The following PRDM6 variants were observed in gnomAD, a reference collection of about 807,000 sequenced individuals.
PRDM6 encodes PR/SET domain 6, also known as putative histone-lysine N-methyltransferase PRDM6.
In PRDM6, 25 loss-of-function variants were observed where a neutral mutation model predicts 60.8. That is an observed-to-expected ratio of 0.41 (90% CI 0.30 to 0.57). The LOEUF (loss-of-function observed/expected upper bound fraction) is 0.57. PRDM6 is among the 20% of genes least tolerant of loss of function. PRDM6 has a pLI of 0.27. For synonymous variants in PRDM6, 407 were observed against 357.4 expected (o/e 1.14, Z -1.57); for missense variants, 839 against 821.3 (o/e 1.02, Z -0.26).
At chr5:123,096,416 TC>T (rs1763960727) in intron 2 of PRDM6, among the ~76,000 whole-genome samples, 1 of 152,298 alleles carries the variant, frequency 6.6e-6, no homozygotes, top group East Asian at 1.9e-4. Flanking sequence ...TATTTGTCAA[TC>T]CCAAGAAATG....
At chr5:123,172,236 A>G (rs1343859260) in intron 6 of PRDM6, among the ~76,000 whole-genome samples, 1 of 152,138 alleles carries the variant, frequency 6.6e-6, no homozygotes, top group Non-Finnish European at 1.5e-5. Context: ...GAGGGAGTGG[A>G]TATTTTGTAA....
chr5:123,100,094 C>A, intron 3 of PRDM6, 133 bp downstream of exon 3: 1 of 966,596 alleles, frequency 1.0e-6, no homozygotes, highest in Non-Finnish European at 1.5e-6. Context: ...CAGAGGGTAG[C>A]GGAGAATAGA....
intron 3 of PRDM6, among the ~76,000 whole-genome samples, chr5:123,110,933 C>T (rs772867994): frequency 6.6e-6 from 1 of 152,042 alleles, no homozygotes; most frequent in Non-Finnish European, 1.5e-5. Flanking sequence ...CCAGGTTAGT[C>T]CCTGAGCCTC....
At chr5:123,149,748 G>T (rs1045604245) in intron 3 of PRDM6, among the ~76,000 whole-genome samples, 10 of 152,138 alleles carry the variant, frequency 6.6e-5, no homozygotes, top group African/African-American at 2.4e-4. Flanking sequence ...AGATTCATCT[G>T]GGAGATAAAA....
chr5:123,096,149 ACAATTATGAAC>A (rs1763954211), intron 2 of PRDM6, among the ~76,000 whole-genome samples: 8 of 151,744 alleles, frequency 5.3e-5, no homozygotes, highest in South Asian at 2.1e-4. Flanking sequence ...TTTATGAATA[ACAATTATGAAC>A]TTGTACAAAA....
intron 2 of PRDM6, among the ~76,000 whole-genome samples, chr5:123,097,800 C>A (rs752801250): frequency 1.3e-5 from 2 of 152,140 alleles, no homozygotes; most frequent in Non-Finnish European, 2.9e-5. Flanking sequence ...CAGAAGAGGG[C>A]CTTTGTGCAA....
In PRDM6 at chr5:123,120,153, TAGAA is replaced by T. The variant is rs1764548190; in HGVS notation, c.900+20195_900+20198del. ...TTCCAAAAAGATTTAAAGTGGGTCTTAGAAAGCCGAAGTTTAGAGATGGATAAAT... is the reference window on the plus strand; with the variant it reads ...TTCCAAAAAGATTTAAAGTGGGTCTTAGCCGAAGTTTAGAGATGGATAAAT... On this transcript the variant is annotated intron_variant, in intron 3 of 7. Coordinates refer to ENST00000407847, the MANE Select transcript of PRDM6 (RefSeq NM_001136239.4). Among the ~76,000 whole-genome samples, 3 of 152,364 alleles carry T rather than the reference TAGAA, an allele frequency of 2.0e-5. No individual in the cohort carries two copies. The South Asian group carries it at 6.2e-4, about 32-fold the overall frequency.
At chr5:123,146,288 T>TA (rs1296759529) in intron 3 of PRDM6, among the ~76,000 whole-genome samples, 5 of 152,202 alleles carry the variant, frequency 3.3e-5, no homozygotes, top group Non-Finnish European at 7.3e-5. Flanking sequence ...AATAAAGAGT[T>TA]AAATAGTACT....
chr5:123,156,664 A>C (rs952418916), intron 4 of PRDM6, among the ~76,000 whole-genome samples: 5 of 152,206 alleles, frequency 3.3e-5, no homozygotes, highest in Admixed American at 2.6e-4. Context: ...AGAGGATAAC[A>C]AAGGCAGGGT....
chr5:123,169,876 G>C (rs1295031054), intron 5 of PRDM6, among the ~76,000 whole-genome samples: 4 of 152,158 alleles, frequency 2.6e-5, no homozygotes, highest in African/African-American at 7.2e-5. Context: ...AAGAGGAAGA[G>C]GCAGGATTTG....
At position 123,192,111 on chromosome 5, in the gene PRDM6, T is replaced by C. The variant is rs1274062933; in HGVS notation, c.*4910T>C. On this transcript the variant is annotated 3_prime_UTR_variant, in exon 8 of 8. Transcript: ENST00000407847. Reference sequence around the variant, plus strand: ...AGAAAACCTATGGAGGAAATTTTAATGGAAAAATAAGGACATTCTGCGCTT... The same window carrying C: ...AGAAAACCTATGGAGGAAATTTTAACGGAAAAATAAGGACATTCTGCGCTT... The C allele has an allele frequency of 6.6e-6, 1 of 152,176 alleles. No homozygotes were observed. Among genetic ancestry groups the C allele is most frequent in the East Asian group, 1.9e-4 (1 of 5,194 alleles). 9.4% of individuals were successfully genotyped at this position (152,176 alleles called of 1,614,324 possible). A position where few individuals can be genotyped will look rare whatever the true frequency, so the allele number is the denominator to read the frequency against.
At chr5:123,158,075 C>T (rs1232901609) in intron 4 of PRDM6, among the ~76,000 whole-genome samples, 1 of 152,144 alleles carries the variant, frequency 6.6e-6, no homozygotes, top group Admixed American at 6.5e-5. Flanking sequence ...CATTTTTTTC[C>T]GCCTTTCGGC....
intron 6 of PRDM6, among the ~76,000 whole-genome samples, chr5:123,178,290 GT>G (rs1431205103): frequency 5.9e-5 from 9 of 152,132 alleles, no homozygotes; most frequent in Non-Finnish European, 1.3e-4. Flanking sequence ...GCTAATAAAT[GT>G]TAATGGTCCC....
intron 3 of PRDM6, among the ~76,000 whole-genome samples, chr5:123,144,636 A>G (rs539745158): frequency 5.9e-5 from 9 of 152,230 alleles, no homozygotes; most frequent in Non-Finnish European, 1.3e-4. Flanking sequence ...GGAGAGAGAG[A>G]GGTACATGCT....
rs1398231088 is a variant in PRDM6, at chr5:123,128,170, G to A, written c.901-27714G>A. ...CATTTTCTTAATCCAGTCTATCATT[G>A]TTGGACATTTGGGTTGGTTCCAAGT... On this transcript the variant is annotated intron_variant, in intron 3 of 7. Transcript: ENST00000407847. Among the ~76,000 whole-genome samples, 4 of 152,300 alleles carry A rather than the reference G, an allele frequency of 2.6e-5. 1 individual carries two copies. The highest frequency in any genetic ancestry group is 9.6e-5 in the African/African-American group (4 of 41,566).
rs1004086512 is a variant in PRDM6, at chr5:123,191,000, A to C, written c.*3799A>C. The C allele has an allele frequency of 6.6e-6, 1 of 152,222 alleles. No homozygotes were observed. Among genetic ancestry groups the C allele is most frequent in the Non-Finnish European group, 1.5e-5 (1 of 68,052 alleles). The allele number at this position is 152,222 out of a possible 1,614,324, so 9.4% of individuals were successfully genotyped here. A position where few individuals can be genotyped will look rare whatever the true frequency, so the allele number is the denominator to read the frequency against. On this transcript the variant is annotated 3_prime_UTR_variant, in exon 8 of 8. Transcript: ENST00000407847. ...CATATTGCAAAACAAGTTAAGATGCACAACTTGGTTGTCTTTGCTTAACTC... is the reference window on the plus strand; with the variant it reads ...CATATTGCAAAACAAGTTAAGATGCCCAACTTGGTTGTCTTTGCTTAACTC...
chr5:123,139,130 TCTC>T (rs144919507), intron 3 of PRDM6, among the ~76,000 whole-genome samples: 2,696 of 152,312 alleles, frequency 0.018, 73 homozygotes, highest in African/African-American at 0.06. Context: ...TCCTGAGGCT[TCTC>T]CTACCATGCG....
At chr5:123,166,521 A>G (rs551022342) in intron 5 of PRDM6, among the ~76,000 whole-genome samples, 2 of 152,312 alleles carry the variant, frequency 1.3e-5, no homozygotes, top group South Asian at 4.1e-4. Context: ...TACGATTATA[A>G]TGGTGAAATT....
intron 3 of PRDM6, among the ~76,000 whole-genome samples, chr5:123,128,304 A>C (rs543852090): frequency 1.3e-5 from 2 of 152,312 alleles, no homozygotes; most frequent in South Asian, 2.1e-4. Context: ...TGGCTGGGTC[A>C]AATGGTATTT....
Sources: gnomAD v4.1 joint callset for allele counts (sites outside exome capture counted in the v4.1 genomes callset) on GRCh38, gnomAD v4.1.1 for gene constraint, MANE v1.5 for transcripts, NCBI Gene and HGNC (gene_info 2026-07-23, HGNC 2026-07-21) for gene names.